RASEF: variants seen among roughly 807,000 people sequenced by gnomAD.
RASEF encodes the protein ras and EF-hand domain-containing protein.
A neutral mutation model predicts 90.1 loss-of-function variants in RASEF; 68 were observed. The observed-to-expected ratio is 0.75, with a 90% CI of 0.62 to 0.92. The LOEUF (loss-of-function observed/expected upper bound fraction) is 0.92, where lower values mean the gene tolerates loss of function less well. Among genes scored for constraint, RASEF ranks in the 40% least tolerant of loss-of-function variants. The pLI, the probability that RASEF is intolerant of heterozygous loss-of-function variation, is 0.00. For missense variants in RASEF, 949 were observed against 937.2 expected, an observed-to-expected ratio of 1.01 and a Z score of -0.16; for synonymous variants, 331 against 345.2, an observed-to-expected ratio of 0.96 and a Z score of 0.46.
intron 1 of RASEF, among the ~76,000 whole-genome samples, chr9:83,052,848 G>T (rs1307739766): frequency 4.7e-4 from 68 of 144,512 alleles, no homozygotes; most frequent in Middle Eastern, 3.5e-3. Flanking sequence ...ATGTAGTTGA[G>T]CGGCTTTGAG....
chr9:83,154,433 T>C, the RASEF span, among the ~76,000 whole-genome samples: 1 of 152,198 alleles, frequency 6.6e-6, no homozygotes, highest in Non-Finnish European at 1.5e-5. Context: ...TTTTCAGTCA[T>C]GTAATTTCAG....
At chr9:83,042,943 C>T (rs570400481) in intron 1 of RASEF, among the ~76,000 whole-genome samples, 42 of 152,314 alleles carry the variant, frequency 2.8e-4, no homozygotes, top group South Asian at 8.3e-4. Flanking sequence ...ACACTCCACA[C>T]GGTAACTTAA....
the RASEF span, among the ~76,000 whole-genome samples, chr9:83,187,777 C>T: frequency 6.6e-6 from 1 of 152,244 alleles, no homozygotes; most frequent in Non-Finnish European, 1.5e-5. Context: ...TTTCAAAATG[C>T]TACTCAGTCT....
the RASEF span, among the ~76,000 whole-genome samples, chr9:83,189,652 G>A: frequency 6.6e-6 from 1 of 152,078 alleles, no homozygotes; most frequent in Admixed American, 6.6e-5. Context: ...TTTTATTGTT[G>A]GCCAGTCTAT....
the RASEF span, among the ~76,000 whole-genome samples, chr9:83,168,635 A>G: frequency 6.6e-6 from 1 of 152,302 alleles, no homozygotes; most frequent in African/African-American, 2.4e-5. Context: ...AAATACTCCA[A>G]TTTAAAAATG....
At chr9:83,088,831 C>T in the RASEF span, among the ~76,000 whole-genome samples, 1 of 151,876 alleles carries the variant, frequency 6.6e-6, no homozygotes, top group Non-Finnish European at 1.5e-5. Flanking sequence ...AAGTGAATCT[C>T]TTATAGATAC....
intron 16 of RASEF, among the ~76,000 whole-genome samples, chr9:82,985,067 T>C (rs765712701): frequency 1.1e-4 from 17 of 152,186 alleles, no homozygotes; most frequent in Non-Finnish European, 1.5e-5. Context: ...CTTGGCCTGA[T>C]TGGATGAAGT....
the RASEF span, among the ~76,000 whole-genome samples, chr9:83,125,624 C>A: frequency 6.6e-6 from 1 of 152,146 alleles, no homozygotes; most frequent in African/African-American, 2.4e-5. Context: ...TCCCCTTTTG[C>A]AACAGTGTGG....
intron 1 of RASEF, among the ~76,000 whole-genome samples, chr9:83,046,779 G>C (rs1367412882): frequency 2.0e-5 from 3 of 152,134 alleles, no homozygotes; most frequent in Non-Finnish European, 2.9e-5. Flanking sequence ...AGATCACCAT[G>C]CTAGGCAGAT....
intron 9 of RASEF, 57 bp from the exon 10 acceptor site, chr9:83,001,187 C>T: frequency 1.6e-6 from 2 of 1,258,992 alleles, no homozygotes; most frequent in Non-Finnish European, 2.3e-6. Context: ...CAAGAACATA[C>T]AGGCAATAGA....
At chr9:82,988,114 G>A (rs913065194) in intron 16 of RASEF, among the ~76,000 whole-genome samples, 8 of 152,196 alleles carry the variant, frequency 5.3e-5, no homozygotes, top group Non-Finnish European at 1.0e-4. Context: ...AGCAACTTAT[G>A]AATGAAACAC....
intron 1 of RASEF, among the ~76,000 whole-genome samples, chr9:83,043,181 A>G (rs1360988918): frequency 6.6e-6 from 1 of 152,250 alleles, no homozygotes; most frequent in African/African-American, 2.4e-5. Context: ...CACAGAAATT[A>G]TCCAAATGGA....
At chr9:83,016,830 C>A (rs1564078454) in intron 3 of RASEF, among the ~76,000 whole-genome samples, 1 of 152,164 alleles carries the variant, frequency 6.6e-6, no homozygotes, top group Non-Finnish European at 1.5e-5. Flanking sequence ...TGTCTTACTG[C>A]CCACTCATTG....
the RASEF span, among the ~76,000 whole-genome samples, chr9:83,198,170 A>C: frequency 6.6e-6 from 1 of 152,200 alleles, no homozygotes; most frequent in African/African-American, 2.4e-5. Context: ...GGACTCCCCA[A>C]ATAATGTTTT....
chr9:83,203,929 T>C, the RASEF span, among the ~76,000 whole-genome samples: 1 of 152,188 alleles, frequency 6.6e-6, no homozygotes, highest in African/African-American at 2.4e-5. Context: ...CTATGGGCAG[T>C]GGCAATTCAC....
Position 83,000,166 on chromosome 9 carries a change from T to G in RASEF, c.1723+3A>C. ...CCATTATCAACCGAAATACGAGCCA[T>G]ACCCAGGGTGGCGCTTATATTTTCT... On this transcript the variant is annotated splice_donor_region_variant and intron_variant, in intron 12 of 16. Coordinates refer to ENST00000376447, the MANE Select transcript of RASEF (RefSeq NM_152573.4). 3 of 1,612,302 alleles carry G rather than the reference T, an allele frequency of 1.9e-6. No homozygotes were observed. The highest frequency in any genetic ancestry group is 2.5e-6 in the Non-Finnish European group (3 of 1,179,478).
chr9:83,217,948 C>T, the RASEF span, among the ~76,000 whole-genome samples: 2 of 152,074 alleles, frequency 1.3e-5, no homozygotes, highest in Non-Finnish European at 1.5e-5. Context: ...TGCAAAAACT[C>T]TGAGGCACTC....
chr9:83,148,589 T>C, the RASEF span, among the ~76,000 whole-genome samples: 3 of 152,166 alleles, frequency 2.0e-5, no homozygotes, highest in African/African-American at 4.8e-5. Context: ...TGATCTCAGA[T>C]TTAGCCCCTG....
At chr9:83,075,740 T>C in the RASEF span, among the ~76,000 whole-genome samples, 32 of 152,016 alleles carry the variant, frequency 2.1e-4, 1 homozygote, top group Admixed American at 1.8e-3. Flanking sequence ...CTGTGTGACA[T>C]GAAAGTAGTT....
Sources: allele counts gnomAD v4.1 joint callset (sites outside exome capture counted in the v4.1 genomes callset), GRCh38; gene constraint gnomAD v4.1.1; transcripts MANE v1.5; gene names NCBI Gene and HGNC (gene_info 2026-07-23, HGNC 2026-07-21).